The following TFDP2 variants were observed in gnomAD, a reference collection of about 807,000 sequenced individuals.
The protein encoded by TFDP2 is transcription factor Dp-2.
TFDP2 carries 17 observed loss-of-function variants against 59.3 expected under a neutral mutation model. That is an observed-to-expected ratio of 0.29 (90% confidence interval 0.20 to 0.43). TFDP2 has a LOEUF of 0.43. TFDP2 is among the 20% of genes least tolerant of loss of function. TFDP2 has a pLI of 1.00. For synonymous variants in TFDP2, 180 were observed against 194.7 expected (o/e 0.92, Z 0.63); for missense variants, 391 against 528.8 (o/e 0.74, Z 2.56).
At chr3:142,125,674 T>C (rs890594398) in intron 1 of TFDP2, among the ~76,000 whole-genome samples, 41 of 152,282 alleles carry the variant, frequency 2.7e-4, no homozygotes, top group African/African-American at 8.7e-4. Context: ...GTATAAACTG[T>C]TCTGTGAAAA....
chr3:142,147,966 C>T (rs2063231138), intron 1 of TFDP2, among the ~76,000 whole-genome samples: 1 of 151,788 alleles, frequency 6.6e-6, no homozygotes, highest in East Asian at 1.9e-4. Flanking sequence ...ATCAATTAAA[C>T]TATTTTTATA....
At chr3:142,087,074 G>C (rs1023261021) in intron 3 of TFDP2, among the ~76,000 whole-genome samples, 1 of 152,166 alleles carries the variant, frequency 6.6e-6, no homozygotes, top group African/African-American at 2.4e-5. Flanking sequence ...TCTGTCTCAG[G>C]AATCAGGGCA....
intron 10 of TFDP2, among the ~76,000 whole-genome samples, chr3:141,960,782 G>T (rs1387627047): frequency 6.6e-6 from 1 of 152,148 alleles, no homozygotes; most frequent in African/African-American, 2.4e-5. Flanking sequence ...GCCTGCCACA[G>T]GGATGATTTC....
At chr3:142,015,657 C>T (rs552246156) in intron 3 of TFDP2, among the ~76,000 whole-genome samples, 3 of 152,350 alleles carry the variant, frequency 2.0e-5, no homozygotes, top group African/African-American at 7.2e-5. Flanking sequence ...GACGCAGCTC[C>T]ATGCTGCTGC....
intron 3 of TFDP2, among the ~76,000 whole-genome samples, chr3:142,011,994 CT>C (rs1265587306): frequency 6.6e-6 from 1 of 150,660 alleles, no homozygotes; most frequent in African/African-American, 2.4e-5. Flanking sequence ...TAATTCTACA[CT>C]TTTTTTTCTT....
chr3:142,090,680 C>G (rs1262339037), intron 3 of TFDP2: 1 of 152,042 alleles, frequency 6.6e-6, no homozygotes, highest in Non-Finnish European at 1.5e-5. Context: ...CTTGCCTCAG[C>G]CTCCGCAGTA....
At chr3:142,090,880 A>G (rs1394161394) in intron 3 of TFDP2, 1 of 152,110 alleles carries the variant, frequency 6.6e-6, no homozygotes, top group African/African-American at 2.4e-5. Flanking sequence ...TTTCCATGTC[A>G]CTTTTCCCCT....
intron 1 of TFDP2, among the ~76,000 whole-genome samples, chr3:142,135,387 T>C (rs915333521): frequency 2.6e-5 from 4 of 152,090 alleles, no homozygotes; most frequent in African/African-American, 9.7e-5. Flanking sequence ...TTAGCCTACA[T>C]ATGTTTAATT....
intron 6 of TFDP2, among the ~76,000 whole-genome samples, chr3:141,979,167 T>G (rs1177595617): frequency 6.6e-6 from 1 of 152,218 alleles, no homozygotes; most frequent in Middle Eastern, 3.2e-3. Flanking sequence ...TCTCATTGCC[T>G]AGTGATGTAA....
chr3:141,988,081 G>T lies in TFDP2; in HGVS notation c.356+5457C>A, dbSNP rs527398548. Among the ~76,000 whole-genome samples, 753 of 152,112 alleles carry T rather than the reference G, an allele frequency of 5.0e-3. 5 individuals carry two copies. Among genetic ancestry groups the T allele is most frequent in the African/African-American group, 0.017 (718 of 41,508 alleles). ...CTGCCTCAGCTTCCCAAATAGCTGG[G>T]ACTACAGGAGTATACCACCATGCCT... On this transcript the variant is annotated intron_variant, in intron 6 of 12. Coordinates refer to ENST00000489671, the MANE Select transcript of TFDP2 (RefSeq NM_001178139.2).
intron 9 of TFDP2, 56 bp downstream of exon 9, chr3:141,970,017 A>C: frequency 6.5e-7 from 1 of 1,538,378 alleles, no homozygotes; most frequent in Non-Finnish European, 9.0e-7. Flanking sequence ...CACTGACTCC[A>C]AAAGGCAGCA....
chr3:141,976,091 G>A (rs1259993371), intron 7 of TFDP2, among the ~76,000 whole-genome samples: 1 of 152,044 alleles, frequency 6.6e-6, no homozygotes. Flanking sequence ...ATGTTGGCCA[G>A]GCTGGTCTCC....
chr3:142,087,691 G>A (rs143191805), intron 3 of TFDP2, among the ~76,000 whole-genome samples: 7,380 of 151,890 alleles, frequency 0.049, 594 homozygotes, highest in African/African-American at 0.17. Flanking sequence ...TTGTAGAGGT[G>A]GGGTTTTGCC....
At chr3:142,115,262 C>T (rs766453074) in intron 1 of TFDP2, among the ~76,000 whole-genome samples, 11 of 151,696 alleles carry the variant, frequency 7.3e-5, no homozygotes, top group Non-Finnish European at 1.5e-4. Context: ...TTCTAAACTT[C>T]ATTGTTATCA....
chr3:142,037,103 C>T (rs1946727779), intron 3 of TFDP2, among the ~76,000 whole-genome samples: 1 of 152,120 alleles, frequency 6.6e-6, no homozygotes, highest in South Asian at 2.1e-4. Context: ...ATAAGAATAA[C>T]TTTGGTATGA....
intron 1 of TFDP2, among the ~76,000 whole-genome samples, chr3:142,146,911 G>C (rs186716056): frequency 4.6e-5 from 7 of 152,066 alleles, no homozygotes; most frequent in Non-Finnish European, 7.4e-5. Context: ...CTAGTTCAGT[G>C]AAAGAAATAA....
At chr3:142,029,639 G>A (rs1431723573) in intron 3 of TFDP2, among the ~76,000 whole-genome samples, 1 of 151,976 alleles carries the variant, frequency 6.6e-6, no homozygotes, top group Non-Finnish European at 1.5e-5. Flanking sequence ...CCTGATGTAT[G>A]GCACAAGTAG....
At chr3:142,019,485 G>T (rs1051081114) in intron 3 of TFDP2, among the ~76,000 whole-genome samples, 2 of 152,170 alleles carry the variant, frequency 1.3e-5, no homozygotes, top group African/African-American at 4.8e-5. Flanking sequence ...AATTGCCAGG[G>T]TTTTCCTAAA....
At chr3:142,012,409 G>A (rs1944795831) in intron 3 of TFDP2, among the ~76,000 whole-genome samples, 1 of 152,116 alleles carries the variant, frequency 6.6e-6, no homozygotes, top group African/African-American at 2.4e-5. Flanking sequence ...CATCATGATT[G>A]ACAATGGGCA....
Sources: allele counts gnomAD v4.1 joint callset (sites outside exome capture counted in the v4.1 genomes callset), GRCh38; gene constraint gnomAD v4.1.1; transcripts MANE v1.5; gene names NCBI Gene and HGNC (gene_info 2026-07-23, HGNC 2026-07-21).